The following ADGRL2 variants were observed in gnomAD, a reference collection of about 807,000 sequenced individuals.
The protein encoded by ADGRL2 is adhesion G protein-coupled receptor L2.
In ADGRL2, 44 loss-of-function variants were observed where a neutral mutation model predicts 157.4. The ratio of observed to expected loss-of-function variants is 0.28; its 90% CI spans 0.22 to 0.36. The LOEUF (loss-of-function observed/expected upper bound fraction) is 0.36, where lower values mean the gene tolerates loss of function less well. Ranked by LOEUF, ADGRL2 falls within the 10% of genes least tolerant of loss-of-function variation. The pLI, the probability that ADGRL2 is intolerant of heterozygous loss-of-function variation, is 1.00. For synonymous variants in ADGRL2, 585 were observed against 624.7 expected (o/e 0.94, Z 0.95); for missense variants, 1,510 against 1,768.9 (o/e 0.85, Z 2.63).
intron 3 of ADGRL2, among the ~76,000 whole-genome samples, chr1:81,647,375 T>C (rs755618769): frequency 2.6e-5 from 4 of 152,132 alleles, no homozygotes; most frequent in Non-Finnish European, 5.9e-5. Context: ...AAATTTGAAA[T>C]CTGAAATGCT....
intron 3 of ADGRL2, among the ~76,000 whole-genome samples, chr1:81,652,052 G>C (rs746116104): frequency 5.3e-5 from 8 of 151,872 alleles, no homozygotes; most frequent in African/African-American, 1.5e-4. Context: ...TTCTCCACAT[G>C]GCTAATGCCC....
chr1:81,765,386 T>C (rs988328308), intron 2 of ADGRL2, among the ~76,000 whole-genome samples: 2 of 152,070 alleles, frequency 1.3e-5, no homozygotes, highest in Non-Finnish European at 2.9e-5. Flanking sequence ...AGGGGCAATG[T>C]AACAAATTAT....
chr1:81,823,175 G>T (rs745983796), intron 1 of ADGRL2, among the ~76,000 whole-genome samples: 26 of 151,374 alleles, frequency 1.7e-4, no homozygotes, highest in Non-Finnish European at 2.7e-4. Context: ...AAAGATGAAA[G>T]TTTCCAGTTT....
At chr1:81,869,109 T>G (rs2093626166) in intron 2 of ADGRL2, among the ~76,000 whole-genome samples, 1 of 152,156 alleles carries the variant, frequency 6.6e-6, no homozygotes, top group Non-Finnish European at 1.5e-5. Context: ...TGTCAAGGAT[T>G]GCTTACTCTT....
At chr1:81,620,119 C>T (rs966395070) in intron 3 of ADGRL2, among the ~76,000 whole-genome samples, 1 of 152,132 alleles carries the variant, frequency 6.6e-6, no homozygotes, top group Non-Finnish European at 1.5e-5. Context: ...GGGCCGGGTT[C>T]TGAGACTAGA....
In ADGRL2 at chr1:81,987,859, T is replaced by G. The variant is rs1041433904; in HGVS notation, c.3638-10T>G. On this transcript the variant is annotated splice_polypyrimidine_tract_variant and intron_variant, in intron 22 of 23. Coordinates refer to ENST00000686636, the MANE Select transcript of ADGRL2 (RefSeq NM_001366006.2). ...TTGTTTTTTTTCACTTTCCTTATGC[T>G]TTCCTCTAGCAACCTACAGAGAGAC... is the stretch of plus-strand genomic sequence containing the variant. 8.8e-6 allele frequency: 3 copies of G among 340,754 alleles called. No homozygotes were observed. The highest frequency in any genetic ancestry group is 1.9e-5 in the Non-Finnish European group (3 of 160,676). 21.1% of individuals were successfully genotyped at this position (340,754 alleles called of 1,614,324 possible). A position where few individuals can be genotyped will look rare whatever the true frequency, so the allele number is the denominator to read the frequency against.
At chr1:81,867,089 G>C (rs1306807600) in intron 2 of ADGRL2, among the ~76,000 whole-genome samples, 3 of 152,138 alleles carry the variant, frequency 2.0e-5, no homozygotes, top group Admixed American at 2.0e-4. Context: ...AAGAATTTGA[G>C]ATCTATGTTA....
chr1:81,767,539 G>A (rs867639002), intron 2 of ADGRL2, among the ~76,000 whole-genome samples: 1 of 152,092 alleles, frequency 6.6e-6, no homozygotes, highest in Non-Finnish European at 1.5e-5. Flanking sequence ...AATGTTAATA[G>A]GATGAGGTTA....
At chr1:81,753,471 G>T (rs563878174) in intron 1 of ADGRL2, among the ~76,000 whole-genome samples, 1 of 152,294 alleles carries the variant, frequency 6.6e-6, no homozygotes, top group South Asian at 2.1e-4. Context: ...TGGAGACACA[G>T]AGCCAAACCA....
At position 81,990,533 on chromosome 1, in the gene ADGRL2, T is replaced by C; in HGVS notation, c.3798T>C (p.Asp1266=). The C allele has an allele frequency of 6.2e-7, 1 of 1,614,166 alleles. No individual in the cohort carries two copies. Residue 1266 remains aspartate (D), a synonymous_variant, in exon 24 of 24, where the codon GAT becomes GAC. Coordinates refer to ENST00000686636, the MANE Select transcript of ADGRL2 (RefSeq NM_001366006.2). ...TGGACTGTGGACTAAGTCTGAATGATACTGCTTTTGAGAAAATGATCATTT... is the reference window on the plus strand; with the variant it reads ...TGGACTGTGGACTAAGTCTGAATGACACTGCTTTTGAGAAAATGATCATTT... ...QVVDCGLSLN[D]TAFEKMIISE...
At chr1:81,487,476 C>A (rs1322622504) in intron 2 of ADGRL2, among the ~76,000 whole-genome samples, 1 of 152,070 alleles carries the variant, frequency 6.6e-6, no homozygotes. Context: ...GAAACCACGT[C>A]TCTACTAAAA....
At chr1:81,487,126 G>A (rs933841674) in intron 2 of ADGRL2, among the ~76,000 whole-genome samples, 1 of 145,994 alleles carries the variant, frequency 6.8e-6, no homozygotes, top group Non-Finnish European at 1.5e-5. Context: ...AAATCAGCCA[G>A]GTGTGGTGGT....
At chr1:81,658,256 C>T (rs2082578021) in intron 3 of ADGRL2, among the ~76,000 whole-genome samples, 1 of 151,922 alleles carries the variant, frequency 6.6e-6, no homozygotes, top group Non-Finnish European at 1.5e-5. Flanking sequence ...CCACCGCGCT[C>T]AGCTAATTTT....
rs3790878 is a variant in ADGRL2, at chr1:81,982,969, A to T, written c.3282+993A>T. ...TTTGTGAGGTATGATGTGTTATTTA[A>T]TAACAATGAACTTTAACTTCTAAAC... On this transcript the variant is annotated intron_variant, in intron 19 of 23. Transcript: ENST00000686636. Among the ~76,000 whole-genome samples, 728 of 152,114 alleles carry T rather than the reference A, an allele frequency of 4.8e-3. 21 individuals carry two copies. The East Asian group carries it at 0.068, about 14-fold the overall frequency.
intron 3 of ADGRL2, among the ~76,000 whole-genome samples, chr1:81,671,181 C>T (rs914111645): frequency 5.9e-5 from 9 of 152,284 alleles, no homozygotes; most frequent in African/African-American, 2.2e-4. Context: ...CTCCCCTGTT[C>T]CTCACCCCAG....
At chr1:81,972,500 A>C (rs1185253147) in intron 17 of ADGRL2, among the ~76,000 whole-genome samples, 3 of 152,214 alleles carry the variant, frequency 2.0e-5, no homozygotes, top group Non-Finnish European at 4.4e-5. Flanking sequence ...AATTTGATGC[A>C]AGTCAAGGAT....
intron 2 of ADGRL2, among the ~76,000 whole-genome samples, chr1:81,842,065 A>T (rs2092603232): frequency 6.6e-6 from 1 of 152,148 alleles, no homozygotes. Context: ...TTGCAGGGTG[A>T]TGCTGATGGT....
intron 3 of ADGRL2, among the ~76,000 whole-genome samples, chr1:81,911,728 A>T (rs1325164595): frequency 6.6e-6 from 1 of 152,198 alleles, no homozygotes; most frequent in East Asian, 1.9e-4. Flanking sequence ...TTGCAAAGCA[A>T]TTCGTAGACA....
intron 2 of ADGRL2, among the ~76,000 whole-genome samples, chr1:81,541,311 C>T (rs888762724): frequency 6.6e-5 from 10 of 152,164 alleles, no homozygotes; most frequent in African/African-American, 2.4e-4. Flanking sequence ...TCCAAATGGA[C>T]ATTTCTTTCT....
Sources: allele counts gnomAD v4.1 joint callset (sites outside exome capture counted in the v4.1 genomes callset), GRCh38; gene constraint gnomAD v4.1.1; transcripts MANE v1.5; gene names NCBI Gene and HGNC (gene_info 2026-07-23, HGNC 2026-07-21).